The following RERE variants were observed in gnomAD, a reference collection of about 807,000 sequenced individuals.
RERE encodes arginine-glutamic acid dipeptide repeats.
Under a neutral mutation model 146.1 loss-of-function variants are expected in RERE, and 40 were observed. The observed-to-expected ratio is 0.27, with a 90% CI of 0.21 to 0.36. The LOEUF (loss-of-function observed/expected upper bound fraction) is 0.36, where lower values mean the gene tolerates loss of function less well. Ranked by LOEUF, RERE falls within the 10% of genes least tolerant of loss-of-function variation. The pLI is 1.00. For missense variants in RERE, 1,933 were observed against 2,138.7 expected (o/e 0.90, Z 1.90); for synonymous variants, 1,003 against 866.0 (o/e 1.16, Z -2.78).
intron 12 of RERE, among the ~76,000 whole-genome samples, chr1:8,370,707 A>G (rs961858321): frequency 6.6e-6 from 1 of 152,180 alleles, no homozygotes; most frequent in Non-Finnish European, 1.5e-5. Context: ...TGGTTCTACA[A>G]ATAGGGAGTG....
rs547707959 is a variant in RERE at position 8,505,842 on chromosome 1, A to T, written c.879+2785T>A. 2.6e-3 allele frequency among the ~76,000 whole-genome samples: 399 copies of T among 152,338 alleles called. 1 individual carries two copies. Among genetic ancestry groups the T allele is most frequent in the Admixed American group, 4.8e-3 (74 of 15,302 alleles). ...CAAAAGTCAAAAATTTTAAAAAGGT[A>T]AATGTTGCCAATTCATTTTTAAAAG... is the stretch of plus-strand genomic sequence containing the variant. On this transcript the variant is annotated intron_variant, in intron 8 of 22. Transcript: ENST00000400908.
intron 2 of RERE, among the ~76,000 whole-genome samples, chr1:8,624,660 A>C (rs1297655030): frequency 1.3e-5 from 2 of 152,214 alleles, no homozygotes; most frequent in East Asian, 3.8e-4. Flanking sequence ...CCAAGGGATT[A>C]TCCATATTCA....
At position 8,614,597 on chromosome 1, in the gene RERE, T is replaced by G; in HGVS notation, c.486A>C (p.Pro162=). Residue 162 remains proline (P), a synonymous_variant, in exon 4 of 23, where the codon CCA becomes CCC. Coordinates refer to ENST00000400908, the MANE Select transcript of RERE (RefSeq NM_001042681.2). ...ACSLPVASQP[P]QHLSEAGRGP... ...CTCTCCCGGCTTCAGAAAGATGCTG[T>G]GGTGGCTGTGATGCCACCGGCAGAG... 1 of 1,613,284 alleles carries G rather than the reference T, an allele frequency of 6.2e-7. No individual in the cohort carries two copies. Among genetic ancestry groups the G allele is most frequent in the African/African-American group, 1.3e-5 (1 of 75,010 alleles).
At chr1:8,407,946 C>A (rs1643497395) in intron 12 of RERE, among the ~76,000 whole-genome samples, 1 of 152,170 alleles carries the variant, frequency 6.6e-6, no homozygotes, top group South Asian at 2.1e-4. Flanking sequence ...AATCTCAAGA[C>A]AAGTTGTACA....
chr1:8,494,016 G>A (rs999817108), intron 10 of RERE, among the ~76,000 whole-genome samples: 6 of 152,102 alleles, frequency 3.9e-5, no homozygotes, highest in Non-Finnish European at 5.9e-5. Flanking sequence ...AACAAAGAAC[G>A]AAAGACAACT....
At chr1:8,386,034 T>TA (rs1642668732) in intron 12 of RERE, among the ~76,000 whole-genome samples, 1 of 94,860 alleles carries the variant, frequency 1.1e-5, no homozygotes, top group Non-Finnish European at 1.9e-5. Context: ...TTTTTTTTTT[T>TA]TTTTTTTTTT....
chr1:8,497,212 G>A (rs565819118), intron 9 of RERE, among the ~76,000 whole-genome samples, 193 bp downstream of exon 9: 1 of 152,102 alleles, frequency 6.6e-6, no homozygotes, highest in African/African-American at 2.4e-5. Flanking sequence ...ACTTCATCAT[G>A]AAAAAAATTA....
intron 2 of RERE, among the ~76,000 whole-genome samples, chr1:8,633,801 C>T (rs1647064198): frequency 6.6e-6 from 1 of 151,976 alleles, no homozygotes; most frequent in East Asian, 1.9e-4. Context: ...TGATGGCGTG[C>T]ACCTGTGGTC....
chr1:8,488,402 TG>T (rs1411409777), intron 10 of RERE, among the ~76,000 whole-genome samples: 5 of 152,060 alleles, frequency 3.3e-5, no homozygotes, highest in African/African-American at 1.2e-4. Flanking sequence ...CGTGCCACCA[TG>T]CCCGGCTAAT....
At chr1:8,726,140 T>C (rs982017737) in intron 1 of RERE, among the ~76,000 whole-genome samples, 1 of 141,768 alleles carries the variant, frequency 7.1e-6, no homozygotes, top group Non-Finnish European at 1.5e-5. Flanking sequence ...TTTTCCTTTT[T>C]TCTTTTCTTT....
At chr1:8,762,373 CAAAT>C (rs910596996) in intron 1 of RERE, among the ~76,000 whole-genome samples, 3 of 152,108 alleles carry the variant, frequency 2.0e-5, no homozygotes, top group African/African-American at 2.4e-5. Context: ...AAATATTTGA[CAAAT>C]GAATGAAAAA....
chr1:8,800,596 A>C (rs1276831330), intron 1 of RERE, among the ~76,000 whole-genome samples: 4 of 151,946 alleles, frequency 2.6e-5, no homozygotes, highest in Admixed American at 6.6e-5. Context: ...CTTGAGCCCA[A>C]GAGTTAAGAG....
intron 7 of RERE, among the ~76,000 whole-genome samples, chr1:8,510,836 G>T (rs1645325448): frequency 6.6e-6 from 1 of 152,174 alleles, no homozygotes; most frequent in African/African-American, 2.4e-5. Context: ...CTGTTACTCT[G>T]GAGTTCTCCA....
chr1:8,388,090 C>A (rs189695610), intron 12 of RERE, among the ~76,000 whole-genome samples: 17 of 152,116 alleles, frequency 1.1e-4, no homozygotes, highest in Admixed American at 3.3e-4. Context: ...AGCTGCCTCT[C>A]GGGATAAAGG....
chr1:8,529,847 A>G (rs570876212), intron 7 of RERE, among the ~76,000 whole-genome samples: 2 of 152,304 alleles, frequency 1.3e-5, no homozygotes, highest in Admixed American at 6.5e-5. Flanking sequence ...ATTCAACCAC[A>G]AATTCCAATT....
At chr1:8,746,549 T>C (rs1640424618) in intron 1 of RERE, among the ~76,000 whole-genome samples, 1 of 152,122 alleles carries the variant, frequency 6.6e-6, no homozygotes, top group Admixed American at 6.5e-5. Context: ...AAAAACAAAA[T>C]GGTTATATGG....
chr1:8,359,578 A>G (rs1246417687), intron 19 of RERE, among the ~76,000 whole-genome samples, 186 bp downstream of exon 19: 1 of 152,170 alleles, frequency 6.6e-6, no homozygotes, highest in African/African-American at 2.4e-5. Context: ...ATGCGCAGTT[A>G]CCCCGGCAGC....
intron 1 of RERE, among the ~76,000 whole-genome samples, chr1:8,800,900 G>C: frequency 6.6e-6 from 1 of 152,108 alleles, no homozygotes; most frequent in Non-Finnish European, 1.5e-5. Flanking sequence ...GGGAGCCGCA[G>C]GTTGCAGTGA....
At chr1:8,568,695 A>T (rs1293507614) in intron 4 of RERE, among the ~76,000 whole-genome samples, 1 of 152,166 alleles carries the variant, frequency 6.6e-6, no homozygotes, top group Non-Finnish European at 1.5e-5. Flanking sequence ...AGCCTCCAGA[A>T]CTATAATAAA....
Sources: gnomAD v4.1 joint callset for allele counts (sites outside exome capture counted in the v4.1 genomes callset) on GRCh38, gnomAD v4.1.1 for gene constraint, MANE v1.5 for transcripts, NCBI Gene and HGNC (gene_info 2026-07-23, HGNC 2026-07-21) for gene names.